TMEM192: variants seen among roughly 807,000 people sequenced by gnomAD.
TMEM192 encodes the protein transmembrane protein 192.
In TMEM192, 20 loss-of-function variants were observed where a neutral mutation model predicts 26.7. That is an observed-to-expected ratio of 0.75 (90% CI 0.53 to 1.09). The LOEUF (loss-of-function observed/expected upper bound fraction) is 1.09. TMEM192 is among the 50% of genes least tolerant of loss of function. The probability of loss-of-function intolerance (pLI) is 0.00; values close to 1 mark genes in which losing one functional copy is unlikely to be tolerated. For missense variants in TMEM192, 304 were observed against 322.6 expected, an observed-to-expected ratio of 0.94 and a Z score of 0.44; for synonymous variants, 124 against 121.0, an observed-to-expected ratio of 1.02 and a Z score of -0.16.
At chr4:165,089,796 T>G (rs540152121) in intron 3 of TMEM192, among the ~76,000 whole-genome samples, 2 of 152,288 alleles carry the variant, frequency 1.3e-5, no homozygotes, top group Admixed American at 1.3e-4. Context: ...CCTCCCAATC[T>G]TCTTTAGTTT....
intron 3 of TMEM192, among the ~76,000 whole-genome samples, chr4:165,090,910 C>CAAAAAAAAA (rs70952700): frequency 0.043 from 2,167 of 50,910 alleles, 416 homozygotes; most frequent in Middle Eastern, 0.14. Context: ...GACTCTGTCT[C>CAAAAAAAAA]AAAAAAAAAA....
rs193266236 is a variant in TMEM192, at chr4:165,099,480, C to T, written c.439+1148G>A. On this transcript the variant is annotated intron_variant, in intron 3 of 5. Coordinates refer to ENST00000306480, the MANE Select transcript of TMEM192 (RefSeq NM_001100389.2). ...CTGCAACGATAAAGAAAAGCAAGTA[C>T]TCATGCATTCTAAGTCTCATGTGGA... Among the ~76,000 whole-genome samples, 103 of 152,290 alleles carry T rather than the reference C, an allele frequency of 6.8e-4. 1 individual carries two copies. Among genetic ancestry groups the T allele is most frequent in the African/African-American group, 2.4e-3 (100 of 41,572 alleles).
In TMEM192 at chr4:165,102,867, A is replaced by C. The variant is rs569476149; in HGVS notation, c.174+83T>G. ...CCCTACATTTTAAATGTTGATAGAT[A>C]CAGCACAACTGCCCTCTGAAACACT... On this transcript the variant is annotated intron_variant, in intron 2 of 5. Transcript: ENST00000306480. 6.3e-5 allele frequency: 84 copies of C among 1,325,822 alleles called. No individual in the cohort carries two copies. In the African/African-American group the frequency reaches 1.2e-3, roughly 18 times the overall value. 82.1% of individuals were successfully genotyped at this position (1,325,822 alleles called of 1,614,324 possible). A position where few individuals can be genotyped will look rare whatever the true frequency, so the allele number is the denominator to read the frequency against.
chr4:165,108,559 G>A (rs576117577), intron 1 of TMEM192, among the ~76,000 whole-genome samples: 1 of 152,288 alleles, frequency 6.6e-6, no homozygotes, highest in South Asian at 2.1e-4. Flanking sequence ...AGACCTTTCT[G>A]AGTACTCTAC....
At chr4:165,080,525 G>A (rs892960160) in intron 5 of TMEM192, among the ~76,000 whole-genome samples, 5 of 152,152 alleles carry the variant, frequency 3.3e-5, no homozygotes, top group East Asian at 1.9e-4. Flanking sequence ...AAATGTTATT[G>A]GATGTGTTTT....
At chr4:165,101,050 T>C (rs922464304) in intron 2 of TMEM192, among the ~76,000 whole-genome samples, 158 bp from the exon 3 acceptor site, 14 of 148,744 alleles carry the variant, frequency 9.4e-5, no homozygotes, top group Non-Finnish European at 1.2e-4. Flanking sequence ...AATCTCGGCT[T>C]ACTGCAAGCT....
intron 1 of TMEM192, among the ~76,000 whole-genome samples, chr4:165,103,392 T>C (rs887579247): frequency 1.3e-5 from 2 of 152,016 alleles, no homozygotes; most frequent in Non-Finnish European, 2.9e-5. Context: ...TTGCCCAGGC[T>C]GGAGTGCAGC....
At chr4:165,103,406 G>A (rs982100542) in intron 1 of TMEM192, among the ~76,000 whole-genome samples, 31 of 150,708 alleles carry the variant, frequency 2.1e-4, no homozygotes, top group East Asian at 1.9e-4. Flanking sequence ...GTGCAGCGGC[G>A]CAATCTTGGC....
chr4:165,102,915 C>A, intron 2 of TMEM192, 35 bp downstream of exon 2: 1 of 1,579,394 alleles, frequency 6.3e-7, no homozygotes. Flanking sequence ...ACAAACATCA[C>A]CTCTGGATAG....
At chr4:165,112,483 G>A (rs911538028) in intron 1 of TMEM192, among the ~76,000 whole-genome samples, 3 of 152,110 alleles carry the variant, frequency 2.0e-5, no homozygotes, top group Non-Finnish European at 4.4e-5. Context: ...TGGGACCCCC[G>A]GGGGCCGCGC....
At chr4:165,085,871 G>C (rs1359896428) in intron 4 of TMEM192, among the ~76,000 whole-genome samples, 183 bp from the exon 5 acceptor site, 1 of 152,104 alleles carries the variant, frequency 6.6e-6, no homozygotes, top group Non-Finnish European at 1.5e-5. Flanking sequence ...AGCAATAATA[G>C]CTGACATTTA....
At chr4:165,104,208 GA>G (rs903931191) in intron 1 of TMEM192, among the ~76,000 whole-genome samples, 9 of 151,446 alleles carry the variant, frequency 5.9e-5, no homozygotes, top group African/African-American at 1.9e-4. Context: ...TTAAAAAAAA[GA>G]AAAAAAGAAT....
At chr4:165,101,669 G>A (rs775497493) in intron 2 of TMEM192, among the ~76,000 whole-genome samples, 1 of 152,184 alleles carries the variant, frequency 6.6e-6, no homozygotes, top group Non-Finnish European at 1.5e-5. Flanking sequence ...TGCACATGGT[G>A]GTACCAAGAA....
Position 165,073,068 on chromosome 4 carries a change from A to G in TMEM192, c.*6590T>C, listed in dbSNP as rs935321948. Reference sequence around the variant, plus strand: ...GAAGAAGCTAGTGAAGTAGAAGAAAATGAGGAGAATGTAGTGTCCTGGAAG... The same window carrying G: ...GAAGAAGCTAGTGAAGTAGAAGAAAGTGAGGAGAATGTAGTGTCCTGGAAG... On this transcript the variant is annotated 3_prime_UTR_variant, in exon 6 of 6. Coordinates refer to ENST00000306480, the MANE Select transcript of TMEM192 (RefSeq NM_001100389.2). 6.6e-6 allele frequency: 1 copy of G among 152,342 alleles called. No homozygotes were observed. Among genetic ancestry groups the G allele is most frequent in the African/African-American group, 2.4e-5 (1 of 41,444 alleles). 9.4% of individuals were successfully genotyped at this position (152,342 alleles called of 1,614,324 possible). A position where few individuals can be genotyped will look rare whatever the true frequency, so the allele number is the denominator to read the frequency against.
intron 3 of TMEM192, among the ~76,000 whole-genome samples, chr4:165,097,799 A>G (rs1734948913): frequency 6.6e-6 from 1 of 150,932 alleles, no homozygotes; most frequent in South Asian, 2.1e-4. Flanking sequence ...ATTTTATTTT[A>G]TTTTACTTAT....
intron 5 of TMEM192, among the ~76,000 whole-genome samples, chr4:165,080,061 A>T (rs2111259069): frequency 6.6e-6 from 1 of 152,332 alleles, no homozygotes; most frequent in Non-Finnish European, 1.5e-5. Flanking sequence ...TTTAAGAAGG[A>T]TCCTAATTTG....
At chr4:165,095,741 T>C (rs1227017588) in intron 3 of TMEM192, among the ~76,000 whole-genome samples, 2 of 152,086 alleles carry the variant, frequency 1.3e-5, no homozygotes, top group East Asian at 1.9e-4. Flanking sequence ...GCCCCAAATA[T>C]GCAACTTGGC....
At chr4:165,088,146 A>G (rs535449850) in intron 4 of TMEM192, among the ~76,000 whole-genome samples, 1 of 152,274 alleles carries the variant, frequency 6.6e-6, no homozygotes, top group African/African-American at 2.4e-5. Context: ...CCAGAGCTCA[A>G]GTGATCCTTC....
At chr4:165,092,443 G>A (rs1711725534) in intron 3 of TMEM192, among the ~76,000 whole-genome samples, 2 of 152,072 alleles carry the variant, frequency 1.3e-5, no homozygotes, top group Admixed American at 6.6e-5. Flanking sequence ...CCTAGGGAGT[G>A]AGTTAGTATG....
Sources: allele counts gnomAD v4.1 joint callset (sites outside exome capture counted in the v4.1 genomes callset), GRCh38; gene constraint gnomAD v4.1.1; transcripts MANE v1.5; gene names NCBI Gene and HGNC (gene_info 2026-07-23, HGNC 2026-07-21).